The following DNAH2 variants were observed in gnomAD, a reference collection of about 807,000 sequenced individuals.
DNAH2 encodes the protein axonemal beta dynein heavy chain 2.
A neutral mutation model predicts 523.5 loss-of-function variants in DNAH2; 323 were observed. That is an observed-to-expected ratio of 0.62 (90% CI 0.56 to 0.68). The LOEUF (loss-of-function observed/expected upper bound fraction) is 0.68. Ranked by LOEUF, DNAH2 falls within the 30% of genes least tolerant of loss-of-function variation. DNAH2 has a pLI of 0.00. For missense variants in DNAH2, 4,907 were observed against 5,701.5 expected, an observed-to-expected ratio of 0.86 and a Z score of 4.49; for synonymous variants, 2,093 against 2,177.4, an observed-to-expected ratio of 0.96 and a Z score of 1.08.
chr17:7,757,144 A>C lies in DNAH2; in HGVS notation c.1958A>C (p.Glu653Ala). The C allele has an allele frequency of 6.2e-7, 1 of 1,614,160 alleles. No individual in the cohort carries two copies. The highest frequency in any genetic ancestry group is 1.3e-5 in the African/African-American group (1 of 75,038). ...EIDYWERLLFETPHYVVNVAE... is the reference protein window; with the variant it reads ...EIDYWERLLFATPHYVVNVAE... ...GACTACTGGGAGCGGCTGCTGTTTG[A>C]GACGCCCCATTACGTGGTGAACGTA... is the stretch of plus-strand genomic sequence containing the variant. Residue 653 changes from glutamate (E) to alanine (A), a missense_variant, in exon 13 of 86, where the codon GAG becomes GCG. Physicochemically the swap from Glu to Ala is moderately radical, Grantham distance 107. Around this residue, in one of 3 missense-constraint regions of DNAH2, gnomAD observed 2,806 missense variants for 3,190.8 expected, o/e 0.88. Transcript: ENST00000572933.
chr17:7,807,309 G>A lies in DNAH2; in HGVS notation c.9602G>A (p.Arg3201Gln), dbSNP rs752557370. ...LAAKSLCMWVRAMELYGRLYR... is the reference protein window; with the variant it reads ...LAAKSLCMWVQAMELYGRLYR... ...GCCAAGTCCCTCTGCATGTGGGTGC[G>A]GGCCATGGAGGTAAAGGCGTCAGGG... Residue 3201 changes from arginine (R) to glutamine (Q), a missense_variant, in exon 62 of 86, where the codon CGG becomes CAG. Arg to Gln is a conservative substitution (Grantham distance 43). This residue lies in a region of DNAH2 where 1,851 missense variants were observed against 2,139.4 expected (regional missense o/e 0.87). Transcript: ENST00000572933. This position sits in a 1 kb window ranked among gnomAD's most constrained non-coding sequence, Gnocchi z 5.6. 1.2e-6 allele frequency: 2 copies of A among 1,613,028 alleles called. No individual in the cohort carries two copies. Among genetic ancestry groups the A allele is most frequent in the East Asian group, 2.2e-5 (1 of 44,876 alleles).
intron 12 of DNAH2, among the ~76,000 whole-genome samples, chr17:7,752,607 G>T (rs975842775): frequency 1.3e-5 from 2 of 152,208 alleles, no homozygotes; most frequent in Admixed American, 6.5e-5. Context: ...CTACTCAGGA[G>T]GCTGAGGCAG....
intron 67 of DNAH2, 29 bp downstream of exon 67, chr17:7,817,885 C>T (rs760401412): frequency 1.6e-5 from 26 of 1,613,974 alleles, no homozygotes; most frequent in East Asian, 1.1e-4. Flanking sequence ...AGGTTAGCCC[C>T]CCCCTTCCTG....
chr17:7,805,479 G>A (rs757533069), intron 61 of DNAH2, 86 bp downstream of exon 61: 3 of 1,578,212 alleles, frequency 1.9e-6, no homozygotes, highest in Non-Finnish European at 2.6e-6. Context: ...CAGAAAGATA[G>A]GGATGGATGA....
chr17:7,745,665 C>T (rs1205400765), intron 12 of DNAH2, among the ~76,000 whole-genome samples: 1 of 151,954 alleles, frequency 6.6e-6, no homozygotes, highest in African/African-American at 2.4e-5. Context: ...TGGTGCATGC[C>T]TGTAGTCCCA....
Position 7,780,923 on chromosome 17 carries a change from G to A in DNAH2, c.6004-119G>A, listed in dbSNP as rs2076588219. ...TCGTCCCATCCCCGTGTTGCCCGCTGCTTTGCTAATGGCTAACTGGTGTAT... is the reference window on the plus strand; with the variant it reads ...TCGTCCCATCCCCGTGTTGCCCGCTACTTTGCTAATGGCTAACTGGTGTAT... On this transcript the variant is annotated intron_variant, in intron 38 of 85. Coordinates refer to ENST00000572933, the MANE Select transcript of DNAH2 (RefSeq NM_020877.5). The surrounding 1 kb of genome is among the most constrained non-coding windows in gnomAD (Gnocchi z 4.4). 2.3e-5 allele frequency: 36 copies of A among 1,584,990 alleles called. No individual in the cohort carries two copies. Among genetic ancestry groups the A allele is most frequent in the Non-Finnish European group, 3.0e-5 (35 of 1,162,898 alleles).
At chr17:7,809,763 A>G (rs1434719355) in intron 63 of DNAH2, among the ~76,000 whole-genome samples, 1 of 150,658 alleles carries the variant, frequency 6.6e-6, no homozygotes, top group Non-Finnish European at 1.5e-5. Flanking sequence ...CTAAGTGAAA[A>G]GAGAAAGCAG....
At chr17:7,723,728 C>T (rs773249389) in intron 3 of DNAH2, 39 bp downstream of exon 3, 9 of 1,570,870 alleles carry the variant, frequency 5.7e-6, no homozygotes, top group Non-Finnish European at 2.6e-6. Context: ...ATTCCTCCCC[C>T]AAAACTGGTG....
chr17:7,746,859 C>A (rs954269070), intron 12 of DNAH2, among the ~76,000 whole-genome samples: 3 of 151,890 alleles, frequency 2.0e-5, no homozygotes, highest in Non-Finnish European at 4.4e-5. Context: ...TGGTGGCGTG[C>A]GCCTGTAATC....
rs753422603 is a variant in DNAH2, at chr17:7,830,384, A to C, written c.11938A>C (p.Lys3980Gln). The change falls in exon 78 of 86, where the codon AAG (lysine) becomes CAG (glutamine). Residue 3980 changes from lysine to glutamine, a missense_variant. This residue lies in a region of DNAH2 where 1,851 missense variants were observed against 2,139.4 expected (regional missense o/e 0.87). Transcript: ENST00000572933. ...CTGCTCCAAACCTGCCAAATATAAG[A>C]AGCTGCTGTTTTCACTCTGTTTCTT... ...SRCSKPAKYK[K>Q]LLFSLCFFHS... The C allele has an allele frequency of 8.1e-6, 13 of 1,614,230 alleles. No homozygotes were observed. The highest frequency in any genetic ancestry group is 3.3e-5 in the South Asian group (3 of 91,090).
intron 44 of DNAH2, 74 bp downstream of exon 44, chr17:7,788,318 G>A (rs536976145): frequency 9.2e-5 from 135 of 1,468,766 alleles, no homozygotes; most frequent in African/African-American, 7.9e-4. Flanking sequence ...TCTGGGAAAC[G>A]GCGTGTCTGA....
intron 22 of DNAH2, among the ~76,000 whole-genome samples, chr17:7,767,663 C>A (rs1370162025): frequency 6.6e-6 from 1 of 151,116 alleles, no homozygotes; most frequent in African/African-American, 2.4e-5. Flanking sequence ...AGTGGCATCC[C>A]ACTGAGGTTT....
At chr17:7,816,245 C>T (rs1214417584) in intron 63 of DNAH2, among the ~76,000 whole-genome samples, 1 of 152,158 alleles carries the variant, frequency 6.6e-6, no homozygotes, top group Non-Finnish European at 1.5e-5. Context: ...CACTTGCCAC[C>T]ATCTTGTGTG....
At chr17:7,810,413 G>C (rs571998087) in intron 63 of DNAH2, among the ~76,000 whole-genome samples, 3 of 151,950 alleles carry the variant, frequency 2.0e-5, no homozygotes, top group Non-Finnish European at 4.4e-5. Flanking sequence ...TTTTGAGAGA[G>C]AGTCTCGCTC....
At chr17:7,830,914 G>T in intron 79 of DNAH2, 72 bp downstream of exon 79, 1 of 1,591,424 alleles carries the variant, frequency 6.3e-7, no homozygotes, top group Middle Eastern at 1.7e-4. Context: ...CAGGGGTGGG[G>T]GTAATGTTTG....
At chr17:7,792,543 C>G in intron 46 of DNAH2, 114 bp from the exon 47 acceptor site, 1 of 1,031,912 alleles carries the variant, frequency 9.7e-7, no homozygotes, top group Non-Finnish European at 1.4e-6. Context: ...GATCCCCAGG[C>G]CCCACAGGAG....
intron 44 of DNAH2, 130 bp from the exon 45 acceptor site, chr17:7,791,785 CTG>C (rs1199141735): frequency 3.5e-6 from 3 of 850,810 alleles, no homozygotes; most frequent in Admixed American, 2.5e-5. Context: ...ATTTGGAAAA[CTG>C]TGCGATTTTC....
rs201807438 is a variant in DNAH2 at position 7,831,802 on chromosome 17, C to T, written c.12726+27C>T. On this transcript the variant is annotated intron_variant, in intron 82 of 85. Coordinates refer to ENST00000572933, the MANE Select transcript of DNAH2 (RefSeq NM_020877.5). The surrounding 1 kb of genome is among the most constrained non-coding windows in gnomAD (Gnocchi z 4.2). ...CAAGATTATACCATTGTTGATCCTT[C>T]TCCAACAATGAGCTCCCCTCTCAAT... 7.6e-5 allele frequency: 121 copies of T among 1,584,020 alleles called. No homozygotes were observed. Among genetic ancestry groups the T allele is most frequent in the Admixed American group, 5.0e-5 (3 of 59,584 alleles).
chr17:7,736,588 G>T (rs1013431338), intron 7 of DNAH2, among the ~76,000 whole-genome samples: 2 of 152,198 alleles, frequency 1.3e-5, no homozygotes, highest in African/African-American at 4.8e-5. Flanking sequence ...GCTAACTCTG[G>T]TCCGAAGGCT....
Sources: gnomAD v4.1 joint callset for allele counts (sites outside exome capture counted in the v4.1 genomes callset) on GRCh38, gnomAD v4.1.1 for gene constraint, gnomAD v4.1.1 regional missense constraint, Gnocchi (gnomAD v3.1) non-coding constraint, MANE v1.5 for transcripts, NCBI Gene and HGNC (gene_info 2026-07-23, HGNC 2026-07-21) for gene names.